IRAK2: variants seen among roughly 807,000 people sequenced by gnomAD.
IRAK2 encodes interleukin 1 receptor associated kinase 2, also known as interleukin-1 receptor-associated kinase-like 2.
A neutral mutation model predicts 72.0 loss-of-function variants in IRAK2; 57 were observed. The ratio of observed to expected loss-of-function variants is 0.79; its 90% CI spans 0.64 to 0.99. The LOEUF (loss-of-function observed/expected upper bound fraction) is 0.99. Ranked by LOEUF, IRAK2 falls within the 50% of genes least tolerant of loss-of-function variation. The pLI, the probability that IRAK2 is intolerant of heterozygous loss-of-function variation, is 0.00. For missense variants in IRAK2, 790 were observed against 794.4 expected, an observed-to-expected ratio of 0.99 and a Z score of 0.07; for synonymous variants, 293 against 312.7, an observed-to-expected ratio of 0.94 and a Z score of 0.67.
intron 3 of IRAK2, among the ~76,000 whole-genome samples, chr3:10,205,713 T>C (rs182525706): frequency 6.6e-6 from 1 of 152,322 alleles, no homozygotes; most frequent in East Asian, 1.9e-4. Context: ...ATATAGATCA[T>C]GTGTAGAAGA....
intron 2 of IRAK2, among the ~76,000 whole-genome samples, chr3:10,196,049 A>G (rs188618853): frequency 6.6e-6 from 1 of 152,226 alleles, no homozygotes; most frequent in Non-Finnish European, 1.5e-5. Context: ...TCTGTTCCAG[A>G]CCCGTGCTTG....
chr3:10,206,191 A>G (rs1697430772), intron 3 of IRAK2, among the ~76,000 whole-genome samples: 1 of 152,182 alleles, frequency 6.6e-6, no homozygotes, highest in Non-Finnish European at 1.5e-5. Flanking sequence ...CCTTCGGTCT[A>G]AGGCAGACTC....
intron 7 of IRAK2, among the ~76,000 whole-genome samples, chr3:10,217,821 G>A (rs897843927): frequency 1.1e-4 from 16 of 152,114 alleles, no homozygotes; most frequent in African/African-American, 3.9e-4. Context: ...AGTTACTCAC[G>A]GCATACTAAT....
intron 3 of IRAK2, among the ~76,000 whole-genome samples, chr3:10,206,695 A>G (rs1267219434): frequency 3.9e-5 from 6 of 152,008 alleles, no homozygotes; most frequent in Non-Finnish European, 8.8e-5. Context: ...AGCTGGGCCT[A>G]CAGGCATGTG....
chr3:10,242,224 C>T lies in IRAK2; in HGVS notation c.1874C>T (p.Pro625Leu), dbSNP rs1425532882. ...GTGGACAGCATTGAGCTCTTTGGCC[C>T]CTGATGACCGGAACACAGCTGAGGA... ...EKVDSIELFG[P>L] Residue 625 changes from proline to leucine, a missense_variant, in exon 13 of 13, where the codon CCC (proline) becomes CTC (leucine). Transcript: ENST00000256458. The T allele has an allele frequency of 6.3e-7, 1 of 1,590,464 alleles. No individual in the cohort carries two copies. The highest frequency in any genetic ancestry group is 8.6e-7 in the Non-Finnish European group (1 of 1,159,552).
chr3:10,185,558 CAAAAAAAA>C (rs770606601), intron 2 of IRAK2, among the ~76,000 whole-genome samples: 2 of 70,114 alleles, frequency 2.9e-5, no homozygotes, highest in African/African-American at 6.2e-5. Flanking sequence ...AACTCCGTCT[CAAAAAAAA>C]AAAAAAAAAA....
At chr3:10,220,939 C>T (rs1161189533) in intron 8 of IRAK2, among the ~76,000 whole-genome samples, 1 of 151,838 alleles carries the variant, frequency 6.6e-6, no homozygotes, top group Non-Finnish European at 1.5e-5. Context: ...TGTTTTTTAC[C>T]CCTTCATTTA....
At chr3:10,181,435 C>T (rs1008968990) in intron 2 of IRAK2, among the ~76,000 whole-genome samples, 1 of 152,040 alleles carries the variant, frequency 6.6e-6, no homozygotes, top group African/African-American at 2.4e-5. Flanking sequence ...CATGGTGAAA[C>T]CCTGTTTCTA....
chr3:10,208,102 G>A (rs373586705), intron 3 of IRAK2, among the ~76,000 whole-genome samples: 4 of 151,886 alleles, frequency 2.6e-5, no homozygotes, highest in Admixed American at 2.0e-4. Context: ...GGGGCTCCTC[G>A]GTGGGCGCAG....
intron 2 of IRAK2, among the ~76,000 whole-genome samples, chr3:10,185,414 G>A (rs28600895): frequency 0.31 from 45,763 of 149,874 alleles, 8,199 homozygotes; most frequent in Non-Finnish European, 0.4. Flanking sequence ...AAAATTAGCC[G>A]GGCGTGGTGG....
At position 10,200,484 on chromosome 3, in the gene IRAK2, G is replaced by C. The variant is rs1274530485; in HGVS notation, c.393G>C (p.Gln131His). 1 of 1,590,508 alleles carries C rather than the reference G, an allele frequency of 6.3e-7. No homozygotes were observed. Among genetic ancestry groups the C allele is most frequent in the Admixed American group, 1.8e-5 (1 of 56,836 alleles). The change falls in exon 3 of 13, where the codon CAG becomes CAC. Residue 131 changes from glutamine to histidine, a missense_variant. Transcript: ENST00000256458. ...CTGAGGATGAACAGGAAGAGGGGCA[G>C]CCTGTGAGGATGGCCACCTTTCCAG... ...RKAEDEQEEG[Q>H]PVRMATFPGP...
At chr3:10,178,439 A>C (rs1696912235) in intron 2 of IRAK2, among the ~76,000 whole-genome samples, 1 of 151,790 alleles carries the variant, frequency 6.6e-6, no homozygotes, top group African/African-American at 2.4e-5. Context: ...CCTGGGTGAC[A>C]GTGAGACTCT....
chr3:10,219,890 CTT>C lies in IRAK2; in HGVS notation c.1013+103_1013+104del, dbSNP rs3217195. ...CCGCTCCGCCACTCACCCCTGTCCT[CTT>C]TGTTTTTCTCTTCCTACCTCCTCTC... On this transcript the variant is annotated intron_variant, in intron 8 of 12. Transcript: ENST00000256458. 5.1e-4 allele frequency: 385 copies of C among 753,476 alleles called. No individual in the cohort carries two copies. In the East Asian group the frequency reaches 9.8e-3, roughly 19 times the overall value. 46.7% of individuals were successfully genotyped at this position (753,476 alleles called of 1,614,324 possible).
intron 9 of IRAK2, among the ~76,000 whole-genome samples, chr3:10,225,983 T>G (rs1414318044): frequency 2.0e-5 from 3 of 152,100 alleles, no homozygotes; most frequent in African/African-American, 7.2e-5. Flanking sequence ...ACAGGCATGA[T>G]CCACCGTGCC....
Position 10,171,028 on chromosome 3 carries a change from C to T in IRAK2, c.94+5980C>T, listed in dbSNP as rs76634954. ...AACGCTAAAGTGATTCAGAAGATCC[C>T]GCAGCCACAGACAGCCACGCTCTTT... is the stretch of plus-strand genomic sequence containing the variant. On this transcript the variant is annotated intron_variant, in intron 1 of 12. Coordinates refer to ENST00000256458, the MANE Select transcript of IRAK2 (RefSeq NM_001570.4). 3.1e-3 allele frequency among the ~76,000 whole-genome samples: 479 copies of T among 152,310 alleles called. 8 individuals carry two copies. In the South Asian group the frequency reaches 0.035, roughly 11 times the overall value.
At chr3:10,170,166 C>T (rs1296223414) in intron 1 of IRAK2, among the ~76,000 whole-genome samples, 1 of 152,166 alleles carries the variant, frequency 6.6e-6, no homozygotes, top group Non-Finnish European at 1.5e-5. Context: ...TGGCTTATGG[C>T]CCCTTCCTCC....
chr3:10,179,492 GGTGA>G (rs1696929461), intron 2 of IRAK2, among the ~76,000 whole-genome samples: 1 of 151,712 alleles, frequency 6.6e-6, no homozygotes, highest in African/African-American at 2.4e-5. Flanking sequence ...GGAGTGCAGT[GGTGA>G]GATCTCGGCT....
At position 10,242,284 on chromosome 3, in the gene IRAK2, C is replaced by A; in HGVS notation, c.*56C>A. On this transcript the variant is annotated 3_prime_UTR_variant, in exon 13 of 13. Transcript: ENST00000256458. ...TCAGTTGGAAAGATGAGCATCAGAT[C>A]AAGAAAAAGGTCTGAGGCAGAATCC... 3 of 1,049,054 alleles carry A rather than the reference C, an allele frequency of 2.9e-6. No homozygotes were observed. Among genetic ancestry groups the A allele is most frequent in the South Asian group, 2.8e-5 (2 of 70,342 alleles). 65.0% of individuals were successfully genotyped at this position (1,049,054 alleles called of 1,614,324 possible). A position where few individuals can be genotyped will look rare whatever the true frequency, so the allele number is the denominator to read the frequency against.
intron 10 of IRAK2, among the ~76,000 whole-genome samples, chr3:10,229,190 C>G (rs1011358150): frequency 2.6e-5 from 4 of 152,166 alleles, no homozygotes; most frequent in Non-Finnish European, 5.9e-5. Flanking sequence ...ATCTGCCCAC[C>G]TTGACCTCCC....
Sources: gnomAD v4.1 joint callset for allele counts (sites outside exome capture counted in the v4.1 genomes callset) on GRCh38, gnomAD v4.1.1 for gene constraint, MANE v1.5 for transcripts, NCBI Gene and HGNC (gene_info 2026-07-23, HGNC 2026-07-21) for gene names.